Variants in CCDC73 observed in about 807,000 individuals in gnomAD.
CCDC73 encodes coiled-coil domain containing 73, also known as coiled-coil domain-containing protein 73.
In CCDC73, 95 loss-of-function variants were observed where a neutral mutation model predicts 116.5. The observed-to-expected ratio is 0.82, with a 90% CI of 0.69 to 0.97. CCDC73 has a LOEUF of 0.97. CCDC73 is among the 50% of genes least tolerant of loss of function. CCDC73 has a pLI of 0.00. For synonymous variants in CCDC73, 398 were observed against 401.3 expected (o/e 0.99, Z 0.10); for missense variants, 1,066 against 1,206.8 (o/e 0.88, Z 1.73).
In CCDC73 at chr11:32,691,257, G is replaced by T. The variant is rs1856255647; in HGVS notation, c.391-7683C>A. Among the ~76,000 whole-genome samples the T allele has an allele frequency of 2.0e-5, 3 of 152,054 alleles. No homozygotes were observed. In the South Asian group the frequency reaches 6.2e-4, roughly 32 times the overall value. On this transcript the variant is annotated intron_variant, in intron 6 of 17. Transcript: ENST00000335185. ...GATGGGGTTTCACCATGTTGGTCAG[G>T]CTGGTCTCGAACTCCTGACCTCTGG...
chr11:32,643,511 T>C (rs1855751087), intron 12 of CCDC73, among the ~76,000 whole-genome samples: 1 of 152,148 alleles, frequency 6.6e-6, no homozygotes, highest in Non-Finnish European at 1.5e-5. Flanking sequence ...CTATATAGTA[T>C]AGCTTATTGC....
the CCDC73 span, among the ~76,000 whole-genome samples, chr11:32,805,762 CA>C: frequency 6.6e-6 from 1 of 152,116 alleles, no homozygotes. Flanking sequence ...TATTATTTTT[CA>C]GTTAATTTCC....
intron 3 of CCDC73, among the ~76,000 whole-genome samples, chr11:32,706,611 G>A (rs1185595720): frequency 6.6e-6 from 1 of 152,098 alleles, no homozygotes; most frequent in Non-Finnish European, 1.5e-5. Flanking sequence ...CTGCTATGGG[G>A]AGAAATCGTG....
intron 1 of CCDC73, among the ~76,000 whole-genome samples, chr11:32,770,648 G>C (rs1418596782): frequency 6.6e-6 from 1 of 152,132 alleles, no homozygotes; most frequent in Non-Finnish European, 1.5e-5. Flanking sequence ...AGAAATAACT[G>C]GACAAAGCAT....
intron 2 of CCDC73, among the ~76,000 whole-genome samples, chr11:32,755,230 A>C (rs1372428960): frequency 6.8e-6 from 1 of 147,406 alleles, no homozygotes; most frequent in African/African-American, 2.5e-5. Flanking sequence ...GAAAATAATT[A>C]AGACCTTAAA....
chr11:32,694,772 C>A (rs1219975831), intron 6 of CCDC73, among the ~76,000 whole-genome samples: 1 of 151,424 alleles, frequency 6.6e-6, no homozygotes, highest in Non-Finnish European at 1.5e-5. Context: ...CAAGATACAC[C>A]AAGAAAAAAA....
intron 9 of CCDC73, among the ~76,000 whole-genome samples, chr11:32,660,373 C>T (rs1331875807): frequency 6.6e-6 from 1 of 151,266 alleles, no homozygotes; most frequent in Non-Finnish European, 1.5e-5. Context: ...CTCCAGGATT[C>T]TTCCAACCCT....
chr11:32,663,290 G>A (rs1317705674), intron 9 of CCDC73, among the ~76,000 whole-genome samples: 12 of 152,104 alleles, frequency 7.9e-5, no homozygotes, highest in Non-Finnish European at 1.3e-4. Flanking sequence ...CCATTTTCAC[G>A]ATATTGATTC....
At chr11:32,808,309 T>A in the CCDC73 span, among the ~76,000 whole-genome samples, 2 of 152,156 alleles carry the variant, frequency 1.3e-5, no homozygotes, top group Non-Finnish European at 2.9e-5. Flanking sequence ...TAATTTAGCA[T>A]GAGTGGGGAG....
At chr11:32,819,029 G>A in the CCDC73 span, among the ~76,000 whole-genome samples, 1 of 152,132 alleles carries the variant, frequency 6.6e-6, no homozygotes, top group African/African-American at 2.4e-5. Flanking sequence ...ATAAGCCCTT[G>A]TGTTGTACCC....
At chr11:32,800,097 T>G in the CCDC73 span, among the ~76,000 whole-genome samples, 1 of 152,172 alleles carries the variant, frequency 6.6e-6, no homozygotes, top group Non-Finnish European at 1.5e-5. Context: ...CTTTCTAAAA[T>G]TTGCTGTATG....
intron 2 of CCDC73, among the ~76,000 whole-genome samples, chr11:32,731,829 G>A (rs911140368): frequency 2.0e-5 from 3 of 152,318 alleles, no homozygotes; most frequent in Middle Eastern, 3.4e-3. Context: ...CAGAAAAGTT[G>A]AAAATTCTAA....
In CCDC73 at chr11:32,733,654, T is replaced by C. The variant is rs1434443647; in HGVS notation, c.136-15507A>G. On this transcript the variant is annotated intron_variant, in intron 2 of 17. Coordinates refer to ENST00000335185, the MANE Select transcript of CCDC73 (RefSeq NM_001008391.4). The stretch of plus-strand genomic sequence containing the variant: ...TCAACTACATGGAAACTGAACAACC[T>C]GCTCCTGAATGACTACCGGGTCCAT... 2.0e-5 allele frequency among the ~76,000 whole-genome samples: 3 copies of C among 152,302 alleles called. No homozygotes were observed. In the East Asian group the frequency reaches 5.8e-4, roughly 29 times the overall value.
chr11:32,802,512 G>C, the CCDC73 span, among the ~76,000 whole-genome samples: 4 of 152,130 alleles, frequency 2.6e-5, no homozygotes, highest in South Asian at 8.3e-4. Context: ...GGAAAAAGCT[G>C]TATACCAAAA....
intron 6 of CCDC73, among the ~76,000 whole-genome samples, chr11:32,686,209 CAAAAAAAAA>C (rs34582756): frequency 5.3e-5 from 3 of 56,860 alleles, no homozygotes; most frequent in Admixed American, 2.7e-4. Context: ...GAGGGAAAGC[CAAAAAAAAA>C]AAAAAAAAAA....
chr11:32,808,168 G>GA, the CCDC73 span, among the ~76,000 whole-genome samples: 5 of 151,512 alleles, frequency 3.3e-5, no homozygotes, highest in African/African-American at 1.2e-4. Context: ...AAGGATAAAG[G>GA]AAAAAAAATA....
At chr11:32,802,264 G>T in the CCDC73 span, among the ~76,000 whole-genome samples, 1 of 152,018 alleles carries the variant, frequency 6.6e-6, no homozygotes, top group African/African-American at 2.4e-5. Context: ...TTAATTCAAA[G>T]TTTTATTTAT....
chr11:32,666,821 G>A (rs1244908406), intron 9 of CCDC73, among the ~76,000 whole-genome samples: 4 of 152,242 alleles, frequency 2.6e-5, no homozygotes, highest in African/African-American at 7.2e-5. Flanking sequence ...TAATGGTGAC[G>A]TACAGATGGG....
chr11:32,777,246 A>G (rs933873010), intron 1 of CCDC73, among the ~76,000 whole-genome samples: 1 of 151,302 alleles, frequency 6.6e-6, no homozygotes, highest in Admixed American at 6.6e-5. Context: ...GCTGGGACAC[A>G]GGCATGTGCC....
Sources: allele counts gnomAD v4.1 joint callset (sites outside exome capture counted in the v4.1 genomes callset), GRCh38; gene constraint gnomAD v4.1.1; transcripts MANE v1.5; gene names NCBI Gene and HGNC (gene_info 2026-07-23, HGNC 2026-07-21).